DLGAP1: variants seen among roughly 807,000 people sequenced by gnomAD.
DLGAP1 encodes the protein DLG associated protein 1, also known as disks large-associated protein 1.
In DLGAP1, 11 loss-of-function variants were observed where a neutral mutation model predicts 90.8. The observed-to-expected ratio is 0.12, with a 90% CI of 0.08 to 0.20. The LOEUF (loss-of-function observed/expected upper bound fraction) is 0.20, where lower values mean the gene tolerates loss of function less well. Ranked by LOEUF, DLGAP1 falls within the 10% of genes least tolerant of loss-of-function variation. The probability of loss-of-function intolerance (pLI) is 1.00; values close to 1 mark genes in which losing one functional copy is unlikely to be tolerated. For synonymous variants in DLGAP1, 558 were observed against 540.7 expected, an observed-to-expected ratio of 1.03 and a Z score of -0.44; for missense variants, 1,050 against 1,333.8, an observed-to-expected ratio of 0.79 and a Z score of 3.31.
In DLGAP1 at chr18:3,651,381, C is replaced by G. The variant is rs147688273; in HGVS notation, c.1592-69133G>C. Among the ~76,000 whole-genome samples the G allele has an allele frequency of 9.7e-4, 147 of 152,254 alleles. 1 individual carries two copies. In the East Asian group the frequency reaches 0.021, roughly 22 times the overall value. On this transcript the variant is annotated intron_variant, in intron 7 of 12. Coordinates refer to ENST00000315677, the MANE Select transcript of DLGAP1 (RefSeq NM_004746.4). ...TAAAAAACAAAAACAAACAAACAAACAAAAAGTTGAAACTTCATTCTCAGT... is the reference window on the plus strand; with the variant it reads ...TAAAAAACAAAAACAAACAAACAAAGAAAAAGTTGAAACTTCATTCTCAGT...
In DLGAP1 at chr18:3,963,091, A is replaced by G. The variant is rs559359229; in HGVS notation, c.-73+42025T>C. ...TCTTGATCTCTTCTGTCTGCCTTCTATAATTGTGGGGAGAGCAGGATGGGG... is the reference window on the plus strand; with the variant it reads ...TCTTGATCTCTTCTGTCTGCCTTCTGTAATTGTGGGGAGAGCAGGATGGGG... On this transcript the variant is annotated intron_variant, in intron 3 of 12. Transcript: ENST00000315677. Among the ~76,000 whole-genome samples, 9 of 152,246 alleles carry G rather than the reference A, an allele frequency of 5.9e-5. No homozygotes were observed. The South Asian group carries it at 8.3e-4, about 14-fold the overall frequency.
At chr18:4,441,215 T>C (rs1177692504) in intron 1 of DLGAP1, among the ~76,000 whole-genome samples, 1 of 152,174 alleles carries the variant, frequency 6.6e-6, no homozygotes, top group African/African-American at 2.4e-5. Flanking sequence ...TTCAAATAGA[T>C]TACTCAATGG....
At chr18:3,692,529 G>T (rs977521742) in intron 7 of DLGAP1, among the ~76,000 whole-genome samples, 1 of 152,182 alleles carries the variant, frequency 6.6e-6, no homozygotes, top group Non-Finnish European at 1.5e-5. Flanking sequence ...GCTCTTCAAG[G>T]TTGTTCAATA....
chr18:3,533,618 A>T (rs1037554041), intron 10 of DLGAP1, among the ~76,000 whole-genome samples: 1 of 152,276 alleles, frequency 6.6e-6, no homozygotes, highest in Admixed American at 6.5e-5. Context: ...TCTGTCACCC[A>T]GGCTGGAGTG....
chr18:4,210,751 T>C (rs1255753282), intron 1 of DLGAP1, among the ~76,000 whole-genome samples: 1 of 152,176 alleles, frequency 6.6e-6, no homozygotes, highest in Non-Finnish European at 1.5e-5. Context: ...AGATTCCTGA[T>C]TCCAATCCCA....
At chr18:4,273,229 G>T (rs2079324736) in intron 1 of DLGAP1, among the ~76,000 whole-genome samples, 1 of 152,136 alleles carries the variant, frequency 6.6e-6, no homozygotes, top group Admixed American at 6.5e-5. Context: ...GCAATCATTT[G>T]TTAACCTCTC....
intron 1 of DLGAP1, among the ~76,000 whole-genome samples, chr18:4,429,393 TG>T (rs2144737381): frequency 6.6e-6 from 1 of 152,346 alleles, no homozygotes; most frequent in Admixed American, 6.5e-5. Flanking sequence ...AAATGCATTA[TG>T]TTTTTCTCAT....
At chr18:3,515,722 T>A (rs1436696032) in intron 10 of DLGAP1, among the ~76,000 whole-genome samples, 1 of 136,904 alleles carries the variant, frequency 7.3e-6, no homozygotes, top group Admixed American at 8.5e-5. Flanking sequence ...GAGTCTGCAG[T>A]GAGCCGTGAT....
intron 2 of DLGAP1, among the ~76,000 whole-genome samples, chr18:4,051,232 G>C (rs1316734150): frequency 6.6e-6 from 1 of 152,080 alleles, no homozygotes; most frequent in African/African-American, 2.4e-5. Flanking sequence ...TTGTGATATG[G>C]CTTGGCTCTG....
At chr18:4,194,765 G>A (rs751370492) in intron 1 of DLGAP1, among the ~76,000 whole-genome samples, 9 of 151,968 alleles carry the variant, frequency 5.9e-5, no homozygotes, top group Non-Finnish European at 1.3e-4. Context: ...AGAGTCTATA[G>A]GTGTATTTCA....
chr18:3,806,819 T>C (rs532957233), intron 5 of DLGAP1, among the ~76,000 whole-genome samples: 4 of 152,292 alleles, frequency 2.6e-5, no homozygotes, highest in African/African-American at 9.6e-5. Flanking sequence ...CTCCCCTCCC[T>C]CTGCTGTCTT....
chr18:3,635,132 AT>A (rs149375716), intron 7 of DLGAP1, among the ~76,000 whole-genome samples: 24,972 of 140,042 alleles, frequency 0.18, 2,559 homozygotes, highest in African/African-American at 0.31. Context: ...TGTCTGTCCC[AT>A]TTTTTTTTTT....
At position 4,429,371 on chromosome 18, in the gene DLGAP1, T is replaced by A. The variant is rs768812642; in HGVS notation, c.-267+25635A>T. Among the ~76,000 whole-genome samples the A allele has an allele frequency of 4.3e-4, 66 of 152,220 alleles. 1 individual carries two copies. Among genetic ancestry groups the A allele is most frequent in the Non-Finnish European group, 8.2e-4 (56 of 68,044 alleles). ...AGCCAATAACAAAAGCATTACAGATTTTCTTTATGTAAAATGCATTATGTT... is the reference window on the plus strand; with the variant it reads ...AGCCAATAACAAAAGCATTACAGATATTCTTTATGTAAAATGCATTATGTT... On this transcript the variant is annotated intron_variant, in intron 1 of 12. Transcript: ENST00000315677.
chr18:3,754,243 T>C (rs1183239123), intron 5 of DLGAP1, among the ~76,000 whole-genome samples: 2 of 152,110 alleles, frequency 1.3e-5, no homozygotes, highest in African/African-American at 4.8e-5. Flanking sequence ...GTCCAAGCAA[T>C]CTGCCTGCCT....
At chr18:3,940,853 T>A (rs375696852) in intron 3 of DLGAP1, among the ~76,000 whole-genome samples, 231 of 152,318 alleles carry the variant, frequency 1.5e-3, no homozygotes, top group African/African-American at 5.1e-3. Context: ...TCTATAATAG[T>A]ACCCATCAAA....
chr18:4,129,572 C>A (rs540254052), intron 2 of DLGAP1, among the ~76,000 whole-genome samples: 3 of 152,228 alleles, frequency 2.0e-5, no homozygotes, highest in Admixed American at 1.3e-4. Flanking sequence ...TTTTCTAAGA[C>A]TACAAGGAAC....
At chr18:4,434,495 C>T (rs565643328) in intron 1 of DLGAP1, among the ~76,000 whole-genome samples, 1 of 152,256 alleles carries the variant, frequency 6.6e-6, no homozygotes, top group South Asian at 2.1e-4. Context: ...CTCTTTCTTC[C>T]CCTGTGCTGC....
At chr18:3,732,683 T>C (rs2062485218) in intron 6 of DLGAP1, among the ~76,000 whole-genome samples, 1 of 152,128 alleles carries the variant, frequency 6.6e-6, no homozygotes, top group Admixed American at 6.6e-5. Context: ...TTTAGGTTGG[T>C]TTGGGGGTCT....
intron 5 of DLGAP1, among the ~76,000 whole-genome samples, chr18:3,812,019 A>G (rs189728603): frequency 7.8e-4 from 119 of 152,294 alleles, no homozygotes; most frequent in African/African-American, 2.8e-3. Flanking sequence ...AGTGTCACTC[A>G]GTGAATGTGA....
Sources: gnomAD v4.1 joint callset for allele counts (sites outside exome capture counted in the v4.1 genomes callset) on GRCh38, gnomAD v4.1.1 for gene constraint, MANE v1.5 for transcripts, NCBI Gene and HGNC (gene_info 2026-07-23, HGNC 2026-07-21) for gene names.